Variants in P2RY14 observed in about 807,000 individuals in gnomAD.
P2RY14 encodes P2Y purinoceptor 14.
In P2RY14, 2 loss-of-function variants were observed where a neutral mutation model predicts 0.9. The observed-to-expected ratio is 2.16, with a 90% CI of 0.88 to 6.79. The LOEUF (loss-of-function observed/expected upper bound fraction) is 6.79. Ranked by LOEUF, P2RY14 falls within the 30% of genes most tolerant of loss-of-function variation. P2RY14 has a pLI of 0.05. For synonymous variants in P2RY14, 158 were observed against 147.2 expected, an observed-to-expected ratio of 1.07 and a Z score of -0.53; for missense variants, 378 against 400.1, an observed-to-expected ratio of 0.94 and a Z score of 0.47.
At chr3:151,258,476 G>T (rs1738245467) in intron 1 of P2RY14, among the ~76,000 whole-genome samples, 1 of 152,178 alleles carries the variant, frequency 6.6e-6, no homozygotes, top group Non-Finnish European at 1.5e-5. Flanking sequence ...TTAAATTCCA[G>T]GGTATCCCTT....
intron 1 of P2RY14, among the ~76,000 whole-genome samples, chr3:151,263,323 A>C (rs1463121178): frequency 1.3e-5 from 2 of 152,194 alleles, no homozygotes; most frequent in Non-Finnish European, 2.9e-5. Context: ...ACTTGTGAGC[A>C]TCTGTTTCAT....
intron 1 of P2RY14, among the ~76,000 whole-genome samples, chr3:151,220,074 G>C: frequency 6.7e-6 from 1 of 148,824 alleles, no homozygotes; most frequent in Non-Finnish European, 1.5e-5. Flanking sequence ...TTTGGGAGCT[G>C]TCCTATGCAT....
chr3:151,220,162 A>G (rs1388639279), intron 1 of P2RY14, among the ~76,000 whole-genome samples: 1 of 149,324 alleles, frequency 6.7e-6, no homozygotes, highest in African/African-American at 2.5e-5. Context: ...GGTAATCAAA[A>G]ATGTTTCTAG....
At chr3:151,227,233 A>G (rs1012261574) in intron 1 of P2RY14, among the ~76,000 whole-genome samples, 1 of 152,224 alleles carries the variant, frequency 6.6e-6, no homozygotes, top group Non-Finnish European at 1.5e-5. Context: ...AGAAATATCT[A>G]AATATTCTTC....
chr3:151,269,731 C>A, intron 1 of P2RY14: 1 of 417,940 alleles, frequency 2.4e-6, no homozygotes, highest in Non-Finnish European at 4.6e-6. Context: ...AAATAAAGTT[C>A]TCTCCAAGGA....
At chr3:151,236,400 A>G (rs1380039668) in intron 1 of P2RY14, among the ~76,000 whole-genome samples, 1 of 152,234 alleles carries the variant, frequency 6.6e-6, no homozygotes, top group East Asian at 1.9e-4. Flanking sequence ...TTGATTCAGG[A>G]AGCATTCTTG....
In P2RY14 at chr3:151,213,499, A is replaced by G. The variant is rs1299725658; in HGVS notation, c.818T>C (p.Leu273Ser). Reference sequence around the variant, plus strand: ...CAGAGTGAATTCTTTCATATACCGCAAGATTTCTTTTGACTGGCAGCTGTA... The same window carrying G: ...CAGAGTGAATTCTTTCATATACCGCGAGATTTCTTTTGACTGGCAGCTGTA... ...AHYSCQSKEI[L>S]RYMKEFTLLL... The change falls in exon 3 of 3, where the codon TTG becomes TCG. Residue 273 changes from leucine to serine, a missense_variant. Coordinates refer to ENST00000309170, the MANE Select transcript of P2RY14 (RefSeq NM_014879.4). The G allele has an allele frequency of 6.2e-7, 1 of 1,614,176 alleles. No homozygotes were observed. The highest frequency in any genetic ancestry group is 1.1e-5 in the South Asian group (1 of 91,074).
At chr3:151,273,227 C>CTTTTTTTTTTTTTTTTT (rs63035061) in intron 1 of P2RY14, among the ~76,000 whole-genome samples, 1 of 106,170 alleles carries the variant, frequency 9.4e-6, no homozygotes, top group Non-Finnish European at 1.9e-5. Context: ...TTGTTGTGTT[C>CTTTTTTTTTTTTTTTTT]TTTTTTTTTT....
At chr3:151,228,816 G>A (rs1474052240) in intron 1 of P2RY14, among the ~76,000 whole-genome samples, 1 of 152,172 alleles carries the variant, frequency 6.6e-6, no homozygotes, top group Non-Finnish European at 1.5e-5. Flanking sequence ...TGAGCTGCCT[G>A]AATTACTGAA....
At chr3:151,266,195 G>A (rs1739805514) in intron 1 of P2RY14, among the ~76,000 whole-genome samples, 2 of 152,128 alleles carry the variant, frequency 1.3e-5, no homozygotes, top group African/African-American at 2.4e-5. Context: ...TTTGAGGAAG[G>A]CTCATCTGAT....
chr3:151,238,950 G>A (rs1201107229), intron 1 of P2RY14, among the ~76,000 whole-genome samples: 2 of 152,096 alleles, frequency 1.3e-5, no homozygotes, highest in Non-Finnish European at 2.9e-5. Context: ...TGGGTGTTTG[G>A]CAAACATTTT....
intron 1 of P2RY14, among the ~76,000 whole-genome samples, chr3:151,233,402 A>G (rs970521245): frequency 6.6e-6 from 1 of 152,236 alleles, no homozygotes; most frequent in African/African-American, 2.4e-5. Flanking sequence ...ATACTTTGAA[A>G]AGACTACATG....
At chr3:151,269,397 T>TCACACACACA (rs71801434) in intron 1 of P2RY14, 8,817 of 144,584 alleles carry the variant, frequency 0.061, 326 homozygotes, top group African/African-American at 0.092. Context: ...TGAAACTCCA[T>TCACACACACA]CACACACACA....
intron 1 of P2RY14, chr3:151,269,560 T>G: frequency 3.3e-6 from 1 of 298,658 alleles, no homozygotes; most frequent in South Asian, 3.3e-5. Flanking sequence ...AATTTCAAAT[T>G]TTTGGGTAAC....
chr3:151,228,690 T>C (rs1293516338), intron 1 of P2RY14, among the ~76,000 whole-genome samples: 4 of 152,068 alleles, frequency 2.6e-5, no homozygotes, highest in Non-Finnish European at 5.9e-5. Context: ...AGTGTTTCAG[T>C]TCTAATTTAC....
chr3:151,249,095 C>G (rs1736344602), intron 1 of P2RY14: 1 of 152,144 alleles, frequency 6.6e-6, no homozygotes, highest in Admixed American at 6.6e-5. Context: ...TTCTTTGGAG[C>G]CCAGCTCTAA....
In P2RY14 at chr3:151,212,948, T is replaced by A; in HGVS notation, c.*352A>T. 6.5e-6 allele frequency: 1 copy of A among 155,002 alleles called. No homozygotes were observed. Among genetic ancestry groups the A allele is most frequent in the Admixed American group, 6.5e-5 (1 of 15,362 alleles). 9.6% of individuals were successfully genotyped at this position (155,002 alleles called of 1,614,324 possible). ...TAGAGAAAGAAGATGCCTGAGTGAG[T>A]TGTCTTTGATTATGTTGTGTTTTAT... is the stretch of plus-strand genomic sequence containing the variant. On this transcript the variant is annotated 3_prime_UTR_variant, in exon 3 of 3. Coordinates refer to ENST00000309170, the MANE Select transcript of P2RY14 (RefSeq NM_014879.4).
chr3:151,268,500 A>T (rs1000971456), intron 1 of P2RY14, among the ~76,000 whole-genome samples: 1 of 152,216 alleles, frequency 6.6e-6, no homozygotes, highest in African/African-American at 2.4e-5. Flanking sequence ...GAACCATAAC[A>T]TGAGTTCTAA....
In P2RY14 at chr3:151,273,560, A is replaced by C. The variant is rs545298628; in HGVS notation, c.-133+4727T>G. 2.7e-4 allele frequency among the ~76,000 whole-genome samples: 41 copies of C among 152,034 alleles called. No individual in the cohort carries two copies. The South Asian group carries it at 5.6e-3, about 21-fold the overall frequency. On this transcript the variant is annotated intron_variant, in intron 1 of 2. Coordinates refer to ENST00000309170, the MANE Select transcript of P2RY14 (RefSeq NM_014879.4). ...CCGGCCTGATTGTGTTCTTATGCCA[A>C]TTACTGTTCTGGGTAATTTATGTAT...
Sources: allele counts gnomAD v4.1 joint callset (sites outside exome capture counted in the v4.1 genomes callset), GRCh38; gene constraint gnomAD v4.1.1; transcripts MANE v1.5; gene names NCBI Gene and HGNC (gene_info 2026-07-23, HGNC 2026-07-21).